The following DAB1 variants were observed in gnomAD, a reference collection of about 807,000 sequenced individuals.
The protein encoded by DAB1 is DAB adaptor protein 1.
DAB1 carries 15 observed loss-of-function variants against 64.6 expected under a neutral mutation model. The observed-to-expected ratio is 0.23, with a 90% CI of 0.16 to 0.36. DAB1 has a LOEUF of 0.36. Ranked by LOEUF, DAB1 falls within the 10% of genes least tolerant of loss-of-function variation. DAB1 has a pLI of 1.00. For synonymous variants in DAB1, 235 were observed against 251.9 expected (o/e 0.93, Z 0.64); for missense variants, 596 against 706.7 (o/e 0.84, Z 1.78).
At chr1:57,495,213 G>C (rs1644215887) in intron 7 of DAB1, among the ~76,000 whole-genome samples, 1 of 152,064 alleles carries the variant, frequency 6.6e-6, no homozygotes, top group African/African-American at 2.4e-5. Flanking sequence ...ATCTCACTTA[G>C]CCTAAGAGGC....
intron 3 of DAB1, among the ~76,000 whole-genome samples, chr1:58,387,666 C>A (rs907678761): frequency 1.3e-5 from 2 of 149,234 alleles, no homozygotes; most frequent in Non-Finnish European, 3.0e-5. Context: ...AGGAGTTAAT[C>A]TTTCCTGGTT....
Position 57,465,111 on chromosome 1 carries a change from G to A in DAB1, n.626-173945C>T, listed in dbSNP as rs551101896. ...ATACAGATAGGCTTCCTGTCCTCTA[G>A]TTCATCAAAATTCCTGATGGAGTAG... On this transcript the variant is annotated intron_variant and non_coding_transcript_variant, in intron 7 of 20. Transcript: ENST00000485760. 3.5e-4 allele frequency among the ~76,000 whole-genome samples: 54 copies of A among 152,260 alleles called. 1 individual carries two copies. Among genetic ancestry groups the A allele is most frequent in the Non-Finnish European group, 6.2e-4 (42 of 68,036 alleles).
intron 2 of DAB1, among the ~76,000 whole-genome samples, chr1:57,224,960 T>C (rs1667151465): frequency 6.6e-6 from 1 of 151,924 alleles, no homozygotes; most frequent in Admixed American, 6.6e-5. Context: ...AACAAACAAA[T>C]CTCTTGTATT....
At chr1:58,513,303 C>A (rs530934046) in intron 2 of DAB1, among the ~76,000 whole-genome samples, 2 of 152,268 alleles carry the variant, frequency 1.3e-5, no homozygotes, top group East Asian at 1.9e-4. Context: ...TTTCCTGAGG[C>A]CTCCCCAGCC....
rs564421198 is a variant in DAB1 at position 58,489,934 on chromosome 1, C to A, written n.257+16126G>T. 5.9e-3 allele frequency among the ~76,000 whole-genome samples: 902 copies of A among 152,268 alleles called. 7 individuals are homozygous for A. The highest frequency in any genetic ancestry group is 8.9e-3 in the Non-Finnish European group (602 of 68,012). On this transcript the variant is annotated intron_variant and non_coding_transcript_variant, in intron 3 of 20. Transcript: ENST00000485760. ...CAGAAAGGACATCCACACCAAAACC[C>A]CATCTGTACGTCACCATCATCAAAG... is the stretch of plus-strand genomic sequence containing the variant.
intron 7 of DAB1, among the ~76,000 whole-genome samples, chr1:57,545,372 A>C (rs555761186): frequency 1.3e-5 from 2 of 152,170 alleles, no homozygotes; most frequent in Non-Finnish European, 2.9e-5. Flanking sequence ...CTGTGAGCTC[A>C]ATCAGGGCAG....
At chr1:57,606,670 G>T (rs61447517) in intron 7 of DAB1, among the ~76,000 whole-genome samples, 5 of 58,638 alleles carry the variant, frequency 8.5e-5, no homozygotes, top group Non-Finnish European at 1.3e-4. Flanking sequence ...AAATATATAT[G>T]AAATATATAT....
intron 4 of DAB1, among the ~76,000 whole-genome samples, chr1:58,205,117 C>T (rs954364320): frequency 1.3e-5 from 2 of 152,094 alleles, no homozygotes; most frequent in Non-Finnish European, 1.5e-5. Flanking sequence ...AGGAGCCTGC[C>T]GGGCCCCAAT....
intron 3 of DAB1, among the ~76,000 whole-genome samples, chr1:58,465,759 T>C (rs979681153): frequency 6.6e-6 from 1 of 152,210 alleles, no homozygotes; most frequent in African/African-American, 2.4e-5. Flanking sequence ...TTTTAATTCA[T>C]GTACTTCTGT....
intron 2 of DAB1, among the ~76,000 whole-genome samples, chr1:57,206,982 T>TTTTTTTC (rs1553156092): frequency 2.6e-4 from 37 of 144,354 alleles, no homozygotes; most frequent in Middle Eastern, 3.5e-3. Flanking sequence ...TTTTTTTTTT[T>TTTTTTTC]TTTTTTTTGG....
At chr1:58,173,226 G>A (rs1431029100) in intron 4 of DAB1, among the ~76,000 whole-genome samples, 1 of 152,182 alleles carries the variant, frequency 6.6e-6, no homozygotes, top group Admixed American at 6.5e-5. Context: ...TCCCCTTGGG[G>A]TGGTTCATGA....
chr1:57,762,518 C>T (rs1649132658), intron 6 of DAB1, among the ~76,000 whole-genome samples: 2 of 152,080 alleles, frequency 1.3e-5, no homozygotes, highest in Non-Finnish European at 2.9e-5. Flanking sequence ...AAAATATCTG[C>T]CATTTATCTT....
intron 6 of DAB1, among the ~76,000 whole-genome samples, chr1:57,700,277 C>T (rs1476421372): frequency 6.6e-6 from 1 of 152,138 alleles, no homozygotes; most frequent in Non-Finnish European, 1.5e-5. Context: ...TTTTTAAGTA[C>T]AGTAATACTT....
chr1:58,170,626 G>A (rs1166105095), intron 4 of DAB1, among the ~76,000 whole-genome samples: 1 of 152,152 alleles, frequency 6.6e-6, no homozygotes, highest in Non-Finnish European at 1.5e-5. Flanking sequence ...GTTCAGAGAG[G>A]ACAGTAAATG....
intron 2 of DAB1, chr1:58,506,302 T>C (rs1247662971): frequency 1.5e-6 from 1 of 667,780 alleles, no homozygotes; most frequent in Admixed American, 2.8e-5. Context: ...CTATTATAAT[T>C]ATACTTTAAG....
At chr1:58,543,710 T>C (rs1452765382) in intron 1 of DAB1, among the ~76,000 whole-genome samples, 1 of 152,168 alleles carries the variant, frequency 6.6e-6, no homozygotes, top group African/African-American at 2.4e-5. Context: ...CTTTAAAAGA[T>C]TTAAAAGATA....
chr1:58,030,677 A>G (rs960645301), intron 5 of DAB1, among the ~76,000 whole-genome samples: 3 of 152,202 alleles, frequency 2.0e-5, no homozygotes, highest in Non-Finnish European at 2.9e-5. Context: ...GTTTTCCTCT[A>G]TTCACCTTTG....
At chr1:57,914,477 C>T (rs371711614) in intron 5 of DAB1, among the ~76,000 whole-genome samples, 24 of 151,850 alleles carry the variant, frequency 1.6e-4, no homozygotes, top group South Asian at 6.2e-4. Flanking sequence ...ATGTAAATGA[C>T]GAGTTAATGG....
intron 5 of DAB1, among the ~76,000 whole-genome samples, chr1:57,896,567 C>T (rs1644395064): frequency 6.6e-6 from 1 of 152,064 alleles, no homozygotes; most frequent in Non-Finnish European, 1.5e-5. Context: ...GGTAAGGGAC[C>T]AGTCTCTGAC....
Sources: gnomAD v4.1 joint callset for allele counts (sites outside exome capture counted in the v4.1 genomes callset) on GRCh38, gnomAD v4.1.1 for gene constraint, MANE v1.5 for transcripts, NCBI Gene and HGNC (gene_info 2026-07-23, HGNC 2026-07-21) for gene names.